The following MAPK14 variants were observed in gnomAD, a reference collection of about 807,000 sequenced individuals.
The protein encoded by MAPK14 is CSAID-binding protein.
A neutral mutation model predicts 49.6 loss-of-function variants in MAPK14; 16 were observed. That is an observed-to-expected ratio of 0.32 (90% confidence interval 0.22 to 0.49). The LOEUF (loss-of-function observed/expected upper bound fraction) is 0.49, where lower values mean the gene tolerates loss of function less well. MAPK14 is among the 20% of genes least tolerant of loss of function. MAPK14 has a pLI of 0.99. For synonymous variants in MAPK14, 142 were observed against 158.0 expected, an observed-to-expected ratio of 0.90 and a Z score of 0.76; for missense variants, 200 against 441.2, an observed-to-expected ratio of 0.45 and a Z score of 4.90.
In MAPK14 at chr6:36,065,945, T is replaced by A. The variant is rs571631357; in HGVS notation, c.305+6598T>A. On this transcript the variant is annotated intron_variant, in intron 3 of 11. Coordinates refer to ENST00000229794, the MANE Select transcript of MAPK14 (RefSeq NM_139012.3). ...ATGCTTCTCATTGTTAATATCTGACTTTAATTTCTTTTGGTTTGACTTCTT... is the reference window on the plus strand; with the variant it reads ...ATGCTTCTCATTGTTAATATCTGACATTAATTTCTTTTGGTTTGACTTCTT... Among the ~76,000 whole-genome samples, 3 of 152,330 alleles carry A rather than the reference T, an allele frequency of 2.0e-5. No homozygotes were observed. The South Asian group carries it at 6.2e-4, about 32-fold the overall frequency.
intron 1 of MAPK14, among the ~76,000 whole-genome samples, chr6:36,032,985 T>G (rs1581723595): frequency 1.3e-4 from 1 of 7,886 alleles, no homozygotes; most frequent in Admixed American, 2.0e-3. Flanking sequence ...TTTAAATCTA[T>G]TTTTTTTTTT....
intron 2 of MAPK14, among the ~76,000 whole-genome samples, chr6:36,055,685 AC>A (rs1763565178): frequency 6.6e-6 from 1 of 151,930 alleles, no homozygotes; most frequent in Admixed American, 6.6e-5. Flanking sequence ...TAATCCTAGC[AC>A]TTTGGGAGGC....
At chr6:36,065,675 A>G (rs1764025794) in intron 3 of MAPK14, among the ~76,000 whole-genome samples, 1 of 152,008 alleles carries the variant, frequency 6.6e-6, no homozygotes, top group African/African-American at 2.4e-5. Flanking sequence ...GGGTACTGGG[A>G]ACTGGAAATG....
chr6:36,101,571 C>T (rs549399425), intron 9 of MAPK14, among the ~76,000 whole-genome samples: 162 of 152,162 alleles, frequency 1.1e-3, no homozygotes, highest in Middle Eastern at 0.01. Context: ...CTGGAACCTC[C>T]ACCTCCTGGG....
At chr6:36,059,851 G>T (rs1208098129) in intron 3 of MAPK14, among the ~76,000 whole-genome samples, 4 of 152,154 alleles carry the variant, frequency 2.6e-5, no homozygotes, top group Non-Finnish European at 5.9e-5. Flanking sequence ...TTCAAGAAAT[G>T]TAACGGATCC....
At chr6:36,070,317 G>C (rs927484578) in intron 3 of MAPK14, among the ~76,000 whole-genome samples, 3 of 152,176 alleles carry the variant, frequency 2.0e-5, no homozygotes, top group African/African-American at 7.2e-5. Context: ...GGGTCAGTTA[G>C]TTTTAGATCC....
In MAPK14 at chr6:36,109,219, GTC is replaced by G. The variant is rs971235642; in HGVS notation, c.*778_*779del. On this transcript the variant is annotated 3_prime_UTR_variant, in exon 12 of 12. Coordinates refer to ENST00000229794, the MANE Select transcript of MAPK14 (RefSeq NM_139012.3). ...CATGTGAGCACATGCGTATATGTGC[GTC>G]TCTCTTTCTCCCTCACCCCCAGGTG... The G allele has an allele frequency of 2.6e-5, 4 of 152,624 alleles. No individual in the cohort carries two copies. The highest frequency in any genetic ancestry group is 5.9e-5 in the Non-Finnish European group (4 of 68,060). 9.5% of individuals were successfully genotyped at this position (152,624 alleles called of 1,614,324 possible). A position where few individuals can be genotyped will look rare whatever the true frequency, so the allele number is the denominator to read the frequency against.
Position 36,107,951 on chromosome 6 carries a change from A to G in MAPK14, c.1015+323A>G, listed in dbSNP as rs748120276. On this transcript the variant is annotated intron_variant, in intron 11 of 11. Coordinates refer to ENST00000229794, the MANE Select transcript of MAPK14 (RefSeq NM_139012.3). The surrounding 1 kb of genome is among the most constrained non-coding windows in gnomAD (Gnocchi z 4.3). The stretch of plus-strand genomic sequence containing the variant: ...AGTAGAACTGGGGCAAAGAGAATTT[A>G]TGTCTTATCAGTTAACTTAGAACTA... Among the ~76,000 whole-genome samples, 1 of 152,206 alleles carries G rather than the reference A, an allele frequency of 6.6e-6. No individual in the cohort carries two copies. Among genetic ancestry groups the G allele is most frequent in the Non-Finnish European group, 1.5e-5 (1 of 68,028 alleles).
At chr6:36,108,288 G>A in intron 11 of MAPK14, 92 bp from the exon 12 acceptor site, 1 of 921,062 alleles carries the variant, frequency 1.1e-6, no homozygotes, top group South Asian at 1.3e-5. Flanking sequence ...CCTGGACAGA[G>A]AGGAAGGATC....
At chr6:36,037,863 C>T (rs1762810858) in intron 1 of MAPK14, among the ~76,000 whole-genome samples, 1 of 152,016 alleles carries the variant, frequency 6.6e-6, no homozygotes, top group Admixed American at 6.6e-5. Flanking sequence ...GTGGCACACT[C>T]CTGTAGTTCC....
chr6:36,114,942 A>T (rs781226308), downstream of MAPK14, among the ~76,000 whole-genome samples: 7 of 152,232 alleles, frequency 4.6e-5, no homozygotes, highest in Non-Finnish European at 1.0e-4. Context: ...GCATCTCACG[A>T]GTTGACAGGG....
chr6:36,031,433 T>G (rs930327954), intron 1 of MAPK14, among the ~76,000 whole-genome samples: 1 of 152,096 alleles, frequency 6.6e-6, no homozygotes, highest in South Asian at 2.1e-4. Flanking sequence ...TGAGACAGAG[T>G]CTCATTCTGT....
chr6:36,052,050 T>C (rs1416685535), intron 1 of MAPK14, among the ~76,000 whole-genome samples: 2 of 152,220 alleles, frequency 1.3e-5, no homozygotes, highest in African/African-American at 4.8e-5. Flanking sequence ...ATTACCCTTT[T>C]ATTTAGTCAT....
At chr6:36,032,384 G>A (rs1762578509) in intron 1 of MAPK14, among the ~76,000 whole-genome samples, 1 of 152,204 alleles carries the variant, frequency 6.6e-6, no homozygotes, top group African/African-American at 2.4e-5. Flanking sequence ...TTTATGCATT[G>A]TCTGTGAGGG....
intron 3 of MAPK14, among the ~76,000 whole-genome samples, chr6:36,066,741 GGTGTGTGT>G (rs10653139): frequency 4.0e-5 from 6 of 149,572 alleles, no homozygotes; most frequent in African/African-American, 7.3e-5. Context: ...ATGAATTCTG[GGTGTGTGT>G]GTGTGTGTGT....
chr6:36,092,619 G>A, intron 8 of MAPK14: 2 of 411,072 alleles, frequency 4.9e-6, no homozygotes, highest in Admixed American at 3.2e-5. Context: ...TTTCCATTCT[G>A]AGACAATTCA....
intron 1 of MAPK14, among the ~76,000 whole-genome samples, chr6:36,030,172 A>G (rs138769062): frequency 1.3e-5 from 2 of 152,226 alleles, no homozygotes; most frequent in East Asian, 1.9e-4. Context: ...CTCCAATTGA[A>G]TTGCTTGCAA....
At chr6:36,112,205 CAAA>C (rs11387797), downstream of MAPK14, among the ~76,000 whole-genome samples, 2 of 138,306 alleles carry the variant, frequency 1.4e-5, no homozygotes, top group Non-Finnish European at 1.6e-5. Context: ...GACTCCGTCT[CAAA>C]AAAAAAAAAA....
Position 36,100,128 on chromosome 6 carries a change from T to C in MAPK14, c.763-2443T>C, listed in dbSNP as rs768673184. On this transcript the variant is annotated intron_variant, in intron 9 of 11. Transcript: ENST00000229794. Reference sequence around the variant, plus strand: ...TGGCTTTTTGACCTTTTTAAAAACTTGAGTTGAAAATTATTTTTTGCACTG... The same window carrying C: ...TGGCTTTTTGACCTTTTTAAAAACTCGAGTTGAAAATTATTTTTTGCACTG... 32 of 1,251,136 alleles carry C rather than the reference T, an allele frequency of 2.6e-5. No individual in the cohort carries two copies. The African/African-American group carries it at 3.7e-4, about 14-fold the overall frequency. 77.5% of individuals were successfully genotyped at this position (1,251,136 alleles called of 1,614,324 possible).
Sources: allele counts gnomAD v4.1 joint callset (sites outside exome capture counted in the v4.1 genomes callset), GRCh38; gene constraint gnomAD v4.1.1; non-coding constraint Gnocchi (gnomAD v3.1); transcripts MANE v1.5; gene names NCBI Gene and HGNC (gene_info 2026-07-23, HGNC 2026-07-21).